POLR3C: variants seen among roughly 807,000 people sequenced by gnomAD.
POLR3C encodes RNA polymerase III subunit C.
In POLR3C, 44 loss-of-function variants were observed where a neutral mutation model predicts 65.9. That is an observed-to-expected ratio of 0.67 (90% CI 0.52 to 0.86). The LOEUF is 0.86. POLR3C is among the 40% of genes least tolerant of loss of function. POLR3C has a pLI of 0.00. For synonymous variants in POLR3C, 263 were observed against 231.6 expected, an observed-to-expected ratio of 1.14 and a Z score of -1.23; for missense variants, 576 against 653.2, an observed-to-expected ratio of 0.88 and a Z score of 1.29.
chr1:145,841,026 C>T lies in POLR3C; in HGVS notation c.1478C>T (p.Ala493Val). Residue 493 changes from alanine to valine, a missense_variant, in exon 14 of 15, where the codon GCT becomes GTT. Transcript: ENST00000334163. ...CAAGAAATAGAGGAGATGATCACAG[C>T]TCCTGAACGTCAGCAGCTAGAGACC... ...QLQEIEEMIT[A>V]PERQQLETLK... The T allele has an allele frequency of 6.2e-7, 1 of 1,613,610 alleles. No homozygotes were observed. Among genetic ancestry groups the T allele is most frequent in the Non-Finnish European group, 8.5e-7 (1 of 1,179,510 alleles).
At chr1:145,833,231 C>G in intron 5 of POLR3C, 29 bp from the exon 6 acceptor site, 1 of 1,368,862 alleles carries the variant, frequency 7.3e-7, no homozygotes, top group Non-Finnish European at 1.0e-6. Flanking sequence ...TACACTATAG[C>G]TAAATGTTTC....
intron 1 of POLR3C, among the ~76,000 whole-genome samples, chr1:145,825,358 A>G (rs1414874163): frequency 6.6e-6 from 1 of 152,048 alleles, no homozygotes; most frequent in Non-Finnish European, 1.5e-5. Flanking sequence ...TGATACGCCC[A>G]CCTCGGTCTC....
intron 4 of POLR3C, among the ~76,000 whole-genome samples, chr1:145,827,390 G>A (rs1553726093): frequency 6.6e-6 from 1 of 152,172 alleles, no homozygotes; most frequent in Admixed American, 6.5e-5. Context: ...ACTGAGGCAG[G>A]CGAATTGCAT....
At chr1:145,828,913 G>A (rs1651058339) in intron 5 of POLR3C, 76 bp downstream of exon 5, 1 of 788,970 alleles carries the variant, frequency 1.3e-6, no homozygotes. Flanking sequence ...AGCCCCAAGA[G>A]AGCTTAAAGC....
In POLR3C at chr1:145,844,394, A is replaced by G. The variant is rs1652506914; in HGVS notation, c.*1974A>G. On this transcript the variant is annotated 3_prime_UTR_variant, in exon 15 of 15. Transcript: ENST00000334163. Reference sequence around the variant, plus strand: ...ATGTTAAGTAAAATAAACCAAGCACAGAAACAAATATTGCATGTTCTGTCT... The same window carrying G: ...ATGTTAAGTAAAATAAACCAAGCACGGAAACAAATATTGCATGTTCTGTCT... 6.6e-6 allele frequency among the ~76,000 whole-genome samples: 1 copy of G among 152,260 alleles called. No individual in the cohort carries two copies. Among genetic ancestry groups the G allele is most frequent in the Non-Finnish European group, 1.5e-5 (1 of 68,046 alleles).
chr1:145,840,643 C>G (rs1320123351), intron 13 of POLR3C, among the ~76,000 whole-genome samples: 1 of 152,126 alleles, frequency 6.6e-6, no homozygotes, highest in Non-Finnish European at 1.5e-5. Flanking sequence ...ATGCATTAGT[C>G]TACACTTTTC....
chr1:145,831,273 G>A (rs1410828990), intron 5 of POLR3C, among the ~76,000 whole-genome samples: 2 of 152,120 alleles, frequency 1.3e-5, no homozygotes, highest in African/African-American at 4.8e-5. Context: ...CTAGCACTTT[G>A]GGAGGCAGAG....
chr1:145,841,047 A>T lies in POLR3C; in HGVS notation c.1499A>T (p.Glu500Val). The change falls in exon 14 of 15, where the codon GAG becomes GTG. Residue 500 changes from glutamate (E) to valine (V), a missense_variant. Physicochemically the swap from Glu to Val is moderately radical, Grantham distance 121. Transcript: ENST00000334163. ...MITAPERQQL[E>V]TLKRNVNKLD... ...ACAGCTCCTGAACGTCAGCAGCTAG[A>T]GACCCTGAAACGTAATGTCAACAAG... 2.5e-6 allele frequency: 4 copies of T among 1,613,900 alleles called. No individual in the cohort carries two copies. The highest frequency in any genetic ancestry group is 3.4e-6 in the Non-Finnish European group (4 of 1,179,738).
chr1:145,838,988 T>TTGCCAGGTGCGGTGGCTCA (rs1553729647), intron 11 of POLR3C, among the ~76,000 whole-genome samples: 3 of 152,118 alleles, frequency 2.0e-5, no homozygotes, highest in Admixed American at 6.6e-5. Context: ...AATAATATGG[T>TTGCCAGGTGCGGTGGCTCA]TGCCAGGTGC....
At chr1:145,824,640 A>G in intron 1 of POLR3C, 4 of 635,522 alleles carry the variant, frequency 6.3e-6, no homozygotes, top group South Asian at 6.0e-5. Context: ...GTTTGGTAGC[A>G]ATTTGTAATA....
At chr1:145,839,270 C>T (rs1381592924) in intron 11 of POLR3C, among the ~76,000 whole-genome samples, 1 of 152,048 alleles carries the variant, frequency 6.6e-6, no homozygotes, top group East Asian at 1.9e-4. Flanking sequence ...GACTCTGTCT[C>T]AAAAATAATA....
intron 7 of POLR3C, among the ~76,000 whole-genome samples, chr1:145,834,643 C>T (rs1651644978): frequency 6.6e-6 from 1 of 152,026 alleles, no homozygotes; most frequent in Non-Finnish European, 1.5e-5. Flanking sequence ...CCACTGCACT[C>T]CAGCCTCACC....
intron 10 of POLR3C, 68 bp downstream of exon 10, chr1:145,837,664 A>G (rs1261650736): frequency 5.8e-6 from 6 of 1,031,840 alleles, no homozygotes; most frequent in Non-Finnish European, 9.2e-6. Flanking sequence ...TTTGATCATT[A>G]TGTAAGCCAC....
chr1:145,836,733 A>G, intron 8 of POLR3C, 82 bp from the exon 9 acceptor site: 1 of 1,018,336 alleles, frequency 9.8e-7, no homozygotes, highest in South Asian at 1.3e-5. Flanking sequence ...TACCTGCTGC[A>G]GACTTTTGGT....
At chr1:145,841,164 C>G in intron 14 of POLR3C, 93 bp downstream of exon 14, 1 of 1,010,718 alleles carries the variant, frequency 9.9e-7, no homozygotes, top group Admixed American at 2.0e-5. Context: ...CATGAGCAAA[C>G]CTAAACTCAC....
rs1553725938 is a variant in POLR3C, at chr1:145,826,836, C to T, written c.420C>T (p.Asp140=). The T allele has an allele frequency of 6.2e-7, 1 of 1,610,244 alleles. No homozygotes were observed. The highest frequency in any genetic ancestry group is 1.7e-5 in the Admixed American group (1 of 59,506). ...GTTATACAGATGGCAAGACCATGGACTATGCTGAAGTATCAAACACATTTG... is the reference window on the plus strand; with the variant it reads ...GTTATACAGATGGCAAGACCATGGATTATGCTGAAGTATCAAACACATTTG... ...TETMEDGKTM[D]YAEVSNTFVR... Residue 140 remains aspartate, a synonymous_variant, in exon 4 of 15, where the codon GAC becomes GAT. Transcript: ENST00000334163.
At chr1:145,837,722 T>C in intron 10 of POLR3C, 126 bp downstream of exon 10, 1 of 756,616 alleles carries the variant, frequency 1.3e-6, no homozygotes, top group Non-Finnish European at 2.4e-6. Flanking sequence ...TTCACTGGAC[T>C]CCTATGGATC....
rs374583299 is a variant in POLR3C at position 145,824,501 on chromosome 1, A to G, written c.-21+132A>G. 64 of 1,285,782 alleles carry G rather than the reference A, an allele frequency of 5.0e-5. No homozygotes were observed. In the Middle Eastern group the frequency reaches 8.5e-4, roughly 17 times the overall value. 79.6% of individuals were successfully genotyped at this position (1,285,782 alleles called of 1,614,324 possible). A position where few individuals can be genotyped will look rare whatever the true frequency, so the allele number is the denominator to read the frequency against. ...TTGGAAGCCCTTTCCGAGGATGGCA[A>G]AGGATCTGGGAATGCTTCTCCAAAG... On this transcript the variant is annotated intron_variant, in intron 1 of 14. Transcript: ENST00000334163.
At chr1:145,828,648 G>C (rs1246020579) in intron 4 of POLR3C, 101 bp from the exon 5 acceptor site, 19 of 808,758 alleles carry the variant, frequency 2.3e-5, no homozygotes, top group Non-Finnish European at 3.8e-5. Flanking sequence ...TCTAGAGGCA[G>C]CTACAGATGT....
Sources: allele counts gnomAD v4.1 joint callset (sites outside exome capture counted in the v4.1 genomes callset), GRCh38; gene constraint gnomAD v4.1.1; transcripts MANE v1.5; gene names NCBI Gene and HGNC (gene_info 2026-07-23, HGNC 2026-07-21).